Variants in ATP2B4 observed in about 807,000 individuals in gnomAD.
ATP2B4 encodes ATPase plasma membrane Ca2+ transporting 4, also known as plasma membrane calcium-transporting ATPase 4.
A neutral mutation model predicts 110.3 loss-of-function variants in ATP2B4; 39 were observed. That is an observed-to-expected ratio of 0.35 (90% CI 0.27 to 0.46). The LOEUF (loss-of-function observed/expected upper bound fraction) is 0.46. Among genes scored for constraint, ATP2B4 ranks in the 20% least tolerant of loss-of-function variants. The pLI is 1.00. For missense variants in ATP2B4, 1,135 were observed against 1,530.9 expected, an observed-to-expected ratio of 0.74 and a Z score of 4.32; for synonymous variants, 538 against 571.7, an observed-to-expected ratio of 0.94 and a Z score of 0.84.
At chr1:203,637,598 G>A (rs1185790475) in intron 1 of ATP2B4, among the ~76,000 whole-genome samples, 1 of 152,150 alleles carries the variant, frequency 6.6e-6, no homozygotes, top group African/African-American at 2.4e-5. Context: ...GCTGTGGGTT[G>A]GATTAGAAAT....
intron 1 of ATP2B4, among the ~76,000 whole-genome samples, chr1:203,679,535 C>T (rs1383920889): frequency 6.6e-6 from 1 of 152,102 alleles, no homozygotes; most frequent in African/African-American, 2.4e-5. Context: ...CCATCAGTTG[C>T]CTATGGAAGT....
intron 1 of ATP2B4, among the ~76,000 whole-genome samples, chr1:203,645,618 A>C (rs967379684): frequency 6.9e-6 from 1 of 144,714 alleles, no homozygotes; most frequent in Non-Finnish European, 1.5e-5. Flanking sequence ...TGGAGATGGA[A>C]TCTTACTCTG....
chr1:203,683,148 C>A lies in ATP2B4; in HGVS notation c.-58C>A. ...AGACAGGGAGGCAGGAGACACTGGT[C>A]AGTTGAAGGGAAACGCTACATCTTC... On this transcript the variant is annotated 5_prime_UTR_variant, in exon 2 of 21. Coordinates refer to ENST00000357681, the MANE Select transcript of ATP2B4 (RefSeq NM_001684.5). 6.4e-7 allele frequency: 1 copy of A among 1,554,274 alleles called. No individual in the cohort carries two copies. Among genetic ancestry groups the A allele is most frequent in the South Asian group, 1.2e-5 (1 of 81,676 alleles).
At position 203,683,090 on chromosome 1, in the gene ATP2B4, G is replaced by C. The variant is rs986566564; in HGVS notation, c.-116G>C. 6.8e-6 allele frequency: 8 copies of C among 1,183,062 alleles called. No homozygotes were observed. In the East Asian group the frequency reaches 1.9e-4, roughly 28 times the overall value. The allele number at this position is 1,183,062 out of a possible 1,614,324, so 73.3% of individuals were successfully genotyped here. A position where few individuals can be genotyped will look rare whatever the true frequency, so the allele number is the denominator to read the frequency against. On this transcript the variant is annotated 5_prime_UTR_variant, in exon 2 of 21. Transcript: ENST00000357681. ...TATATTCAATCTATTCCCTCACTGG[G>C]CCCCCAGAGAAGCAAGAAGTAGGAA...
In ATP2B4 at chr1:203,698,222, C is replaced by G. The variant is rs138303385; in HGVS notation, c.259C>G (p.Pro87Ala). ...GGTGTTTGGACACAACGTGATCCCC[C>G]CCAAAAAGCCCAAGACTTTCTTAGA... is the stretch of plus-strand genomic sequence containing the variant. ...RQVFGHNVIP[P>A]KKPKTFLELV... The change falls in exon 3 of 21, where the codon CCC becomes GCC. Residue 87 changes from proline (P) to alanine (A), a missense_variant. Coordinates refer to ENST00000357681, the MANE Select transcript of ATP2B4 (RefSeq NM_001684.5). The G allele has an allele frequency of 1.9e-6, 3 of 1,614,038 alleles. No individual in the cohort carries two copies. The highest frequency in any genetic ancestry group is 1.3e-5 in the African/African-American group (1 of 74,898).
In ATP2B4 at chr1:203,739,735, C is replaced by T; in HGVS notation, c.3499C>T (p.Leu1167Phe). ...GGCTTCTAAGTTTGGGACTAGGGTG[C>T]TCCTGTTGGATGGTGAGGTCACTCC... ...DKASKFGTRVLLLDGEVTPYA... is the reference protein window; with the variant it reads ...DKASKFGTRVFLLDGEVTPYA... Residue 1167 changes from leucine to phenylalanine, a missense_variant, in exon 21 of 21, where the codon CTC (leucine) becomes TTC (phenylalanine). Leu to Phe is a conservative substitution (Grantham distance 22). Coordinates refer to ENST00000357681, the MANE Select transcript of ATP2B4 (RefSeq NM_001684.5). The T allele has an allele frequency of 6.2e-7, 1 of 1,614,190 alleles. No individual in the cohort carries two copies. Among genetic ancestry groups the T allele is most frequent in the Non-Finnish European group, 8.5e-7 (1 of 1,180,042 alleles).
At chr1:203,633,513 C>T (rs1663339844) in intron 1 of ATP2B4, among the ~76,000 whole-genome samples, 2 of 152,256 alleles carry the variant, frequency 1.3e-5, no homozygotes, top group South Asian at 4.1e-4. Context: ...CCTGTAATCC[C>T]AGCACTTTGG....
chr1:203,694,289 A>T (rs1050136383), intron 2 of ATP2B4, among the ~76,000 whole-genome samples: 5 of 152,236 alleles, frequency 3.3e-5, no homozygotes, highest in Non-Finnish European at 5.9e-5. Context: ...GAGGAGGTGG[A>T]CAAACAATAA....
chr1:203,713,613 T>C (rs1016919071), intron 14 of ATP2B4, among the ~76,000 whole-genome samples: 1 of 152,050 alleles, frequency 6.6e-6, no homozygotes. Context: ...TACAGGCGCA[T>C]GCCACCATGC....
At chr1:203,654,909 A>G (rs1480571621) in intron 1 of ATP2B4, among the ~76,000 whole-genome samples, 1 of 6,534 alleles carries the variant, frequency 1.5e-4, no homozygotes, top group Non-Finnish European at 0.019. Context: ...AAAAAAGGAA[A>G]GAAAAAGATA....
At chr1:203,646,083 ATAAAAG>A (rs1220530050) in intron 1 of ATP2B4, among the ~76,000 whole-genome samples, 1 of 151,720 alleles carries the variant, frequency 6.6e-6, no homozygotes, top group Non-Finnish European at 1.5e-5. Flanking sequence ...TTTCCAGAGT[ATAAAAG>A]TAATATGTAA....
chr1:203,675,738 C>T (rs975520176), intron 1 of ATP2B4, among the ~76,000 whole-genome samples: 16 of 152,226 alleles, frequency 1.1e-4, no homozygotes, highest in African/African-American at 3.9e-4. Context: ...TGGATACCAC[C>T]TCCTAACCAG....
intron 1 of ATP2B4, among the ~76,000 whole-genome samples, chr1:203,627,841 A>C (rs1227467086): frequency 6.6e-6 from 1 of 152,106 alleles, no homozygotes; most frequent in Non-Finnish European, 1.5e-5. Context: ...TTTGCAGAGA[A>C]ACCTCAGCAG....
rs372934873 is a variant in ATP2B4 at position 203,714,200 on chromosome 1, C to T, written c.2329C>T (p.Arg777Trp). ...GIIDSTVGEH[R>W]QVVAVTGDGT... is the part of the protein sequence containing the mutation. ...AATTGACAGCACTGTTGGGGAACAC[C>T]GGCAGGTCGTGGCTGTCACTGGTGA... Residue 777 changes from arginine (R) to tryptophan (W), a missense_variant, in exon 15 of 21, where the codon CGG becomes TGG. By Grantham distance (101) the Arg-to-Trp change is moderately radical (BLOSUM62 -3). This residue lies in a region of ATP2B4 where 368 missense variants were observed against 455.9 expected (regional missense o/e 0.81). Transcript: ENST00000357681. 48 of 1,614,018 alleles carry T rather than the reference C, an allele frequency of 3.0e-5. No individual in the cohort carries two copies. The highest frequency in any genetic ancestry group is 3.6e-5 in the Non-Finnish European group (43 of 1,180,028).
chr1:203,723,900 G>A lies in ATP2B4; in HGVS notation c.3044G>A (p.Gly1015Glu). ...TTCTAGATTTTCATCGTGGAATTTG[G>A]GGGTAAACCCTTCAGTTGTACAAGC... ...FICQIFIVEF[G>E]GKPFSCTSLS... The change falls in exon 19 of 21, where the codon GGG becomes GAG. Residue 1015 changes from glycine to glutamate, a missense_variant. Gly to Glu is a moderately conservative substitution (Grantham distance 98, BLOSUM62 -2). Coordinates refer to ENST00000357681, the MANE Select transcript of ATP2B4 (RefSeq NM_001684.5). 6.2e-7 allele frequency: 1 copy of A among 1,608,210 alleles called. No individual in the cohort carries two copies.
chr1:203,711,530 G>C (rs958094109), intron 12 of ATP2B4, among the ~76,000 whole-genome samples: 7 of 152,138 alleles, frequency 4.6e-5, no homozygotes, highest in African/African-American at 1.4e-4. Flanking sequence ...AGGCCCAGAG[G>C]CATGAGAGGG....
intron 1 of ATP2B4, among the ~76,000 whole-genome samples, chr1:203,661,541 G>T (rs1333860501): frequency 6.6e-6 from 1 of 152,180 alleles, no homozygotes; most frequent in Non-Finnish European, 1.5e-5. Flanking sequence ...TGATGATGGG[G>T]TGACTTTGGG....
At chr1:203,733,469 T>A in intron 20 of ATP2B4, 1 of 1,403,924 alleles carries the variant, frequency 7.1e-7, no homozygotes, top group Non-Finnish European at 9.6e-7. Flanking sequence ...GCATCCACTT[T>A]AACCAACCAT....
chr1:203,636,741 C>T (rs944441944), intron 1 of ATP2B4, among the ~76,000 whole-genome samples: 8 of 152,222 alleles, frequency 5.3e-5, no homozygotes, highest in Admixed American at 3.9e-4. Context: ...GACATACAGA[C>T]ATTCCTGATT....
Sources: gnomAD v4.1 joint callset for allele counts (sites outside exome capture counted in the v4.1 genomes callset) on GRCh38, gnomAD v4.1.1 for gene constraint, gnomAD v4.1.1 regional missense constraint, MANE v1.5 for transcripts, NCBI Gene and HGNC (gene_info 2026-07-23, HGNC 2026-07-21) for gene names.